MICU1: variants seen among roughly 807,000 people sequenced by gnomAD.
MICU1 encodes the protein calcium uptake protein 1, mitochondrial.
In MICU1, 45 loss-of-function variants were observed where a neutral mutation model predicts 56.8. That is an observed-to-expected ratio of 0.79 (90% CI 0.62 to 1.02). The LOEUF (loss-of-function observed/expected upper bound fraction) is 1.02, where lower values mean the gene tolerates loss of function less well. Ranked by LOEUF, MICU1 falls within the 50% of genes least tolerant of loss-of-function variation. MICU1 has a pLI of 0.00. For missense variants in MICU1, 504 were observed against 587.1 expected, an observed-to-expected ratio of 0.86 and a Z score of 1.46; for synonymous variants, 186 against 195.1, an observed-to-expected ratio of 0.95 and a Z score of 0.39.
At chr10:72,471,465 G>C (rs1865949247) in intron 8 of MICU1, among the ~76,000 whole-genome samples, 1 of 152,140 alleles carries the variant, frequency 6.6e-6, no homozygotes, top group African/African-American at 2.4e-5. Flanking sequence ...GTTTCTCTAG[G>C]CTCTCATTTG....
chr10:72,423,409 G>T, intron 8 of MICU1, 38 bp from the exon 9 acceptor site: 1 of 1,602,748 alleles, frequency 6.2e-7, no homozygotes, highest in African/African-American at 1.3e-5. Context: ...TAGGGTCAAT[G>T]GAAAGTATTT....
At chr10:72,457,199 ACTGT>A (rs889005319) in intron 8 of MICU1, among the ~76,000 whole-genome samples, 1 of 150,630 alleles carries the variant, frequency 6.6e-6, no homozygotes, top group African/African-American at 2.4e-5. Context: ...TGGGTTAGAA[ACTGT>A]CTTACTTCCT....
chr10:72,369,138 C>A (rs1862242575), intron 11 of MICU1, among the ~76,000 whole-genome samples: 1 of 151,788 alleles, frequency 6.6e-6, no homozygotes, highest in Non-Finnish European at 1.5e-5. Flanking sequence ...ATTAACTGGG[C>A]ATGGTGGTGG....
intron 5 of MICU1, among the ~76,000 whole-genome samples, chr10:72,519,928 T>A (rs1417391053): frequency 1.3e-5 from 2 of 152,192 alleles, no homozygotes; most frequent in Non-Finnish European, 2.9e-5. Context: ...GAAAATGTGA[T>A]GAAGAACACA....
chr10:72,618,085 T>G (rs1021708821), intron 1 of MICU1, among the ~76,000 whole-genome samples: 10 of 151,020 alleles, frequency 6.6e-5, no homozygotes, highest in Admixed American at 2.0e-4. Flanking sequence ...GAGATTCGCT[T>G]GAGCCTGGGA....
chr10:72,375,919 T>C (rs1164426701), intron 10 of MICU1, 47 bp from the exon 11 acceptor site: 1 of 1,548,450 alleles, frequency 6.5e-7, no homozygotes, highest in African/African-American at 1.4e-5. Context: ...GATTTTCATT[T>C]TGCTTTCTCT....
At position 72,566,655 on chromosome 10, in the gene MICU1, T is replaced by A; in HGVS notation, c.139A>T (p.Ser47Cys). 1 of 1,612,956 alleles carries A rather than the reference T, an allele frequency of 6.2e-7. No individual in the cohort carries two copies. The highest frequency in any genetic ancestry group is 8.5e-7 in the Non-Finnish European group (1 of 1,179,424). ...CACCTCTTCCACAAAAGACCAGTAC[T>A]TGCAGTTACTGCAGATGCTCCCAGG... ...AFLGASAVTA[S>C]TGLLWKRAHA... Residue 47 changes from serine to cysteine, a missense_variant, in exon 2 of 12, where the codon AGT becomes TGT. By Grantham distance (112) the Ser-to-Cys change is moderately radical. Transcript: ENST00000361114.
At chr10:72,391,571 A>G (rs1483629009) in intron 10 of MICU1, among the ~76,000 whole-genome samples, 1 of 152,244 alleles carries the variant, frequency 6.6e-6, no homozygotes, top group Non-Finnish European at 1.5e-5. Context: ...AGTAATAGGT[A>G]TTATATGTAA....
At chr10:72,594,132 A>G (rs1841303877) in intron 1 of MICU1, among the ~76,000 whole-genome samples, 1 of 152,238 alleles carries the variant, frequency 6.6e-6, no homozygotes, top group Admixed American at 6.5e-5. Context: ...AGCTTGAGCA[A>G]TCCAAAACAG....
In MICU1 at chr10:72,508,220, T is replaced by C. The variant is rs751939238; in HGVS notation, c.587A>G (p.Tyr196Cys). Residue 196 changes from tyrosine (Y) to cysteine (C), a missense_variant, in exon 6 of 12, where the codon TAC becomes TGC. Coordinates refer to ENST00000361114, the MANE Select transcript of MICU1 (RefSeq NM_001195518.2). ...TATGAGCCCACATTCTCCAAGGGTG[T>C]AAAATATACTGCCTTCATCAGCAAA... ...EKFADEGSIF[Y>C]TLGECGLISF... is the part of the protein sequence containing the mutation. 6.5e-7 allele frequency: 1 copy of C among 1,547,468 alleles called. No individual in the cohort carries two copies. Among genetic ancestry groups the C allele is most frequent in the South Asian group, 1.3e-5 (1 of 79,784 alleles).
intron 3 of MICU1, among the ~76,000 whole-genome samples, chr10:72,557,245 G>A (rs1840181550): frequency 6.6e-6 from 1 of 152,098 alleles, no homozygotes; most frequent in African/African-American, 2.4e-5. Flanking sequence ...CTTCCTAGTT[G>A]ACAGGAATTG....
At chr10:72,548,242 G>A (rs1339288138) in intron 4 of MICU1, among the ~76,000 whole-genome samples, 1 of 151,912 alleles carries the variant, frequency 6.6e-6, no homozygotes, top group African/African-American at 2.4e-5. Flanking sequence ...TGTGAGACAA[G>A]GCATAAAATA....
chr10:72,398,976 C>A (rs1161850003), intron 10 of MICU1, among the ~76,000 whole-genome samples: 1 of 152,110 alleles, frequency 6.6e-6, no homozygotes, highest in Non-Finnish European at 1.5e-5. Flanking sequence ...CAAAGCCTGG[C>A]AGAGACACAA....
intron 6 of MICU1, among the ~76,000 whole-genome samples, chr10:72,479,757 C>T (rs1311791990): frequency 1.3e-5 from 2 of 152,080 alleles, no homozygotes; most frequent in Non-Finnish European, 2.9e-5. Context: ...AACCTCCTGG[C>T]CTCAAATGAT....
At chr10:72,382,772 G>A (rs988605606) in intron 10 of MICU1, among the ~76,000 whole-genome samples, 1 of 152,156 alleles carries the variant, frequency 6.6e-6, no homozygotes, top group African/African-American at 2.4e-5. Flanking sequence ...AGCCAGGCGT[G>A]GTGGCACATG....
chr10:72,394,136 G>C (rs1863169988), intron 10 of MICU1, among the ~76,000 whole-genome samples: 2 of 151,980 alleles, frequency 1.3e-5, no homozygotes, highest in Admixed American at 1.3e-4. Context: ...CTATTGGCTG[G>C]GCATAGTGGC....
At chr10:72,417,224 G>A (rs541138538) in intron 9 of MICU1, among the ~76,000 whole-genome samples, 4 of 152,206 alleles carry the variant, frequency 2.6e-5, no homozygotes, top group East Asian at 1.9e-4. Context: ...AGGCCAAGGC[G>A]GGTGGATCAC....
At chr10:72,458,712 T>G (rs959206556) in intron 8 of MICU1, among the ~76,000 whole-genome samples, 10 of 151,516 alleles carry the variant, frequency 6.6e-5, no homozygotes, top group South Asian at 2.1e-4. Context: ...CTGTTTTTTT[T>G]TTTTTTTTTT....
chr10:72,527,100 G>A (rs918963542), intron 5 of MICU1, among the ~76,000 whole-genome samples: 3 of 152,130 alleles, frequency 2.0e-5, no homozygotes, highest in African/African-American at 7.2e-5. Flanking sequence ...GAAGTGTTAT[G>A]TGGTTTCTCA....
Sources: allele counts gnomAD v4.1 joint callset (sites outside exome capture counted in the v4.1 genomes callset), GRCh38; gene constraint gnomAD v4.1.1; transcripts MANE v1.5; gene names NCBI Gene and HGNC (gene_info 2026-07-23, HGNC 2026-07-21).